DCDC1: variants seen among roughly 807,000 people sequenced by gnomAD.
DCDC1 encodes doublecortin domain containing 1, also known as doublecortin domain-containing protein 1.
DCDC1 carries 200 observed loss-of-function variants against 178.3 expected under a neutral mutation model. The observed-to-expected ratio is 1.12, with a 90% CI of 1.00 to 1.26. DCDC1 has a LOEUF of 1.26. Among genes scored for constraint, DCDC1 ranks in the 50% most tolerant of loss-of-function variants. The pLI is 0.00. For synonymous variants in DCDC1, 690 were observed against 604.8 expected, an observed-to-expected ratio of 1.14 and a Z score of -2.07; for missense variants, 1,983 against 1,749.2, an observed-to-expected ratio of 1.13 and a Z score of -2.38.
At chr11:30,990,311 A>G (rs2134913348) in intron 20 of DCDC1, among the ~76,000 whole-genome samples, 1 of 152,290 alleles carries the variant, frequency 6.6e-6, no homozygotes, top group African/African-American at 2.4e-5. Context: ...CAGGAGCATA[A>G]CCCAGAATCA....
chr11:30,976,140 G>A (rs1950089355), intron 20 of DCDC1, among the ~76,000 whole-genome samples: 1 of 152,046 alleles, frequency 6.6e-6, no homozygotes, highest in Admixed American at 6.5e-5. Flanking sequence ...TCAGTTTTGG[G>A]AAAATTGGAT....
intron 8 of DCDC1, among the ~76,000 whole-genome samples, chr11:31,264,980 C>G (rs1402780394): frequency 6.6e-6 from 1 of 151,836 alleles, no homozygotes; most frequent in Non-Finnish European, 1.5e-5. Context: ...CTTTTTTTTT[C>G]AGACCAATTG....
rs1023787897 is a variant in DCDC1, at chr11:31,281,038, G to A, written c.960+9609C>T. On this transcript the variant is annotated intron_variant, in intron 7 of 38. Transcript: ENST00000684477. ...GAAGGTTCCCGCTCTGAAGCTAGACGTCCCATTCTCCTTAAATTTCACTTT... is the reference window on the plus strand; with the variant it reads ...GAAGGTTCCCGCTCTGAAGCTAGACATCCCATTCTCCTTAAATTTCACTTT... The A allele has an allele frequency of 9.1e-5, 46 of 507,288 alleles. No individual in the cohort carries two copies. The Admixed American group carries it at 9.8e-4, about 11-fold the overall frequency. The allele number at this position is 507,288 out of a possible 1,614,324, so 31.4% of individuals were successfully genotyped here.
chr11:31,363,479 A>C (rs1564934312), intron 1 of DCDC1, among the ~76,000 whole-genome samples: 1 of 152,202 alleles, frequency 6.6e-6, no homozygotes, highest in African/African-American at 2.4e-5. Context: ...ACAAAAGATG[A>C]GGCTCATTAA....
In DCDC1 at chr11:30,970,763, TC is replaced by T. The variant is rs574862806; in HGVS notation, c.2592-18196del. Among the ~76,000 whole-genome samples, 931 of 152,170 alleles carry T rather than the reference TC, an allele frequency of 6.1e-3. 15 individuals carry two copies. The highest frequency in any genetic ancestry group is 0.021 in the African/African-American group (871 of 41,524). ...GGGCCACAGCACAGCCACTGATCCT[TC>T]CCCCAACTCAACCTTTTCATCAGGG... On this transcript the variant is annotated intron_variant, in intron 20 of 38. Transcript: ENST00000684477.
chr11:31,048,146 T>A (rs1268325081), intron 20 of DCDC1, among the ~76,000 whole-genome samples: 1 of 152,218 alleles, frequency 6.6e-6, no homozygotes, highest in Non-Finnish European at 1.5e-5. Flanking sequence ...GAGCTAGGAC[T>A]GGAAGCCACA....
intron 38 of DCDC1, among the ~76,000 whole-genome samples, chr11:30,865,923 AC>A (rs1397367969): frequency 6.6e-6 from 1 of 152,130 alleles, no homozygotes; most frequent in African/African-American, 2.4e-5. Context: ...GATTTTTGTT[AC>A]TGATTATTAT....
At chr11:31,249,975 G>A (rs944689112) in intron 8 of DCDC1, among the ~76,000 whole-genome samples, 1 of 151,996 alleles carries the variant, frequency 6.6e-6, no homozygotes, top group Admixed American at 6.6e-5. Context: ...AATGAACAGA[G>A]AGAGAGATTC....
intron 9 of DCDC1, among the ~76,000 whole-genome samples, chr11:31,177,613 A>G (rs912997277): frequency 2.0e-5 from 3 of 152,188 alleles, no homozygotes; most frequent in African/African-American, 7.2e-5. Flanking sequence ...ATTCAACTCT[A>G]TGCTGCCTAC....
chr11:31,251,043 A>G (rs759559707), intron 8 of DCDC1, among the ~76,000 whole-genome samples: 3 of 152,076 alleles, frequency 2.0e-5, no homozygotes, highest in African/African-American at 4.8e-5. Context: ...GTGAGCCACC[A>G]TGCCCAGCCC....
intron 2 of DCDC1, among the ~76,000 whole-genome samples, chr11:31,331,415 T>G (rs1949980796): frequency 6.6e-6 from 1 of 152,180 alleles, no homozygotes; most frequent in African/African-American, 2.4e-5. Context: ...TTTCCAACAC[T>G]TTGTTGAGTA....
chr11:31,043,813 T>C (rs894167444), intron 20 of DCDC1, among the ~76,000 whole-genome samples: 3 of 139,378 alleles, frequency 2.2e-5, no homozygotes, highest in African/African-American at 8.0e-5. Context: ...TGTGTGTTTC[T>C]TTTTGTTTTC....
chr11:31,267,389 T>C (rs201482771), intron 7 of DCDC1, among the ~76,000 whole-genome samples: 1 of 151,946 alleles, frequency 6.6e-6, no homozygotes, highest in Non-Finnish European at 1.5e-5. Flanking sequence ...ACGGGGTTTC[T>C]CCATGTTGAT....
intron 20 of DCDC1, among the ~76,000 whole-genome samples, chr11:31,062,083 A>C (rs1955954951): frequency 6.6e-6 from 1 of 152,150 alleles, no homozygotes; most frequent in African/African-American, 2.4e-5. Context: ...CAGGTGAGTT[A>C]TCATGAGGGC....
At chr11:31,078,304 A>G (rs1956984134) in intron 17 of DCDC1, among the ~76,000 whole-genome samples, 1 of 152,210 alleles carries the variant, frequency 6.6e-6, no homozygotes, top group Non-Finnish European at 1.5e-5. Flanking sequence ...ATAGTATGAA[A>G]AAAGATACCA....
Position 30,894,286 on chromosome 11 carries a change from G to A in DCDC1, c.4864C>T (p.Gln1622Ter). Residue 1622 changes from glutamine (Q) to a stop codon, truncating the protein, a stop_gained, in exon 35 of 39, where the codon CAG becomes TAG. Transcript: ENST00000684477. LOFTEE classifies it high-confidence loss of function. ...VEGGWTEQTQ[Q>*]EIKLMELIRH... ...ATAAGTTCCATGAGTTTAATTTCCT[G>A]TTGAGTCTGTTCGGTCCAGCCTCCT... is the stretch of plus-strand genomic sequence containing the variant. 1.2e-6 allele frequency: 2 copies of A among 1,613,758 alleles called. No individual in the cohort carries two copies. Among genetic ancestry groups the A allele is most frequent in the Non-Finnish European group, 8.5e-7 (1 of 1,179,776 alleles).
intron 11 of DCDC1, among the ~76,000 whole-genome samples, chr11:31,114,960 T>A (rs1959657755): frequency 6.6e-6 from 1 of 152,210 alleles, no homozygotes; most frequent in African/African-American, 2.4e-5. Context: ...GTTATGCTAT[T>A]TGCTTCTTTG....
chr11:31,082,649 A>C (rs1318349329), intron 17 of DCDC1, among the ~76,000 whole-genome samples: 1 of 152,024 alleles, frequency 6.6e-6, no homozygotes, highest in Non-Finnish European at 1.5e-5. Flanking sequence ...ATCTACACAT[A>C]TATATGTGCA....
intron 32 of DCDC1, among the ~76,000 whole-genome samples, chr11:30,901,046 T>C (rs1944629193): frequency 6.6e-6 from 1 of 152,084 alleles, no homozygotes; most frequent in African/African-American, 2.4e-5. Context: ...TTGCTAGAGA[T>C]AAAGCAAAAT....
Sources: gnomAD v4.1 joint callset for allele counts (sites outside exome capture counted in the v4.1 genomes callset) on GRCh38, gnomAD v4.1.1 for gene constraint, MANE v1.5 for transcripts, NCBI Gene and HGNC (gene_info 2026-07-23, HGNC 2026-07-21) for gene names.